The following SEC24B variants were observed in gnomAD, a reference collection of about 807,000 sequenced individuals.
The protein encoded by SEC24B is SEC24 homolog B, COPII component, also known as protein transport protein Sec24B.
Under a neutral mutation model 142.8 loss-of-function variants are expected in SEC24B, and 45 were observed. That is an observed-to-expected ratio of 0.32 (90% CI 0.25 to 0.40). The LOEUF (loss-of-function observed/expected upper bound fraction) is 0.40, where lower values mean the gene tolerates loss of function less well. SEC24B is among the 10% of genes least tolerant of loss of function. The pLI is 1.00. For synonymous variants in SEC24B, 574 were observed against 568.2 expected, an observed-to-expected ratio of 1.01 and a Z score of -0.15; for missense variants, 1,409 against 1,526.8, an observed-to-expected ratio of 0.92 and a Z score of 1.29.
intron 11 of SEC24B, among the ~76,000 whole-genome samples, chr4:109,520,066 T>C (rs1723436578): frequency 6.6e-6 from 1 of 152,240 alleles, no homozygotes; most frequent in East Asian, 1.9e-4. Flanking sequence ...TGTAAAATTT[T>C]ACACATTAAA....
At position 109,512,044 on chromosome 4, in the gene SEC24B, C is replaced by A. The variant is rs760363355; in HGVS notation, c.1864C>A (p.Arg622Ser). Reference protein sequence around the residue: ...INPFVSFIDQRRWKCNLCYRV... With the variant: ...INPFVSFIDQSRWKCNLCYRV... Reference sequence around the variant, plus strand: ...CCCCTTTGTATCCTTCATTGATCAACGTAGATGGAAATGCAATTTGTGCTA... The same window carrying A: ...CCCCTTTGTATCCTTCATTGATCAAAGTAGATGGAAATGCAATTTGTGCTA... Residue 622 changes from arginine to serine, a missense_variant, in exon 9 of 24, where the codon CGT (arginine) becomes AGT (serine). By Grantham distance (110) the Arg-to-Ser change is moderately radical (BLOSUM62 -1). Transcript: ENST00000265175. 1 of 1,613,038 alleles carries A rather than the reference C, an allele frequency of 6.2e-7. No homozygotes were observed. The highest frequency in any genetic ancestry group is 1.7e-5 in the Admixed American group (1 of 59,986).
intron 2 of SEC24B, among the ~76,000 whole-genome samples, chr4:109,465,970 T>G (rs1731812138): frequency 6.6e-6 from 1 of 152,162 alleles, no homozygotes; most frequent in African/African-American, 2.4e-5. Context: ...GCATTTAGAT[T>G]GGTAAATTAC....
intron 1 of SEC24B, among the ~76,000 whole-genome samples, chr4:109,443,779 G>A (rs1277301648): frequency 1.3e-5 from 2 of 152,072 alleles, no homozygotes; most frequent in Non-Finnish European, 2.9e-5. Flanking sequence ...AAAGTAATAG[G>A]GAATCTTAAG....
In SEC24B at chr4:109,506,715, C is replaced by T. The variant is rs1024633504; in HGVS notation, c.1673+203C>T. Among the ~76,000 whole-genome samples the T allele has an allele frequency of 2.6e-5, 4 of 152,146 alleles. No individual in the cohort carries two copies. In the East Asian group the frequency reaches 5.8e-4, roughly 22 times the overall value. On this transcript the variant is annotated intron_variant, in intron 7 of 23. Coordinates refer to ENST00000265175, the MANE Select transcript of SEC24B (RefSeq NM_006323.5). The stretch of plus-strand genomic sequence containing the variant: ...CTGTCTCAATCCAGTCCCTTCCCCC[C>T]ATCACCTAATGTTAGGGAAATTATT...
chr4:109,528,020 A>G (rs1266882935), intron 18 of SEC24B, among the ~76,000 whole-genome samples: 1 of 152,194 alleles, frequency 6.6e-6, no homozygotes, highest in Non-Finnish European at 1.5e-5. Context: ...TAATGCAGCA[A>G]TAAAAAGGAA....
intron 1 of SEC24B, among the ~76,000 whole-genome samples, chr4:109,439,778 G>A (rs1728766156): frequency 6.6e-6 from 1 of 150,796 alleles, no homozygotes; most frequent in Admixed American, 6.6e-5. Context: ...TGGGATTACA[G>A]GCGTGAGCCA....
At position 109,490,419 on chromosome 4, in the gene SEC24B, A is replaced by G. The variant is rs572676815; in HGVS notation, c.1166-908A>G. ...CCTAAATGTAGTTTAAACACCAGTT[A>G]TAATACTGGTATTAATAGCAAGGGA... On this transcript the variant is annotated intron_variant, in intron 4 of 23. Transcript: ENST00000265175. Among the ~76,000 whole-genome samples, 208 of 152,246 alleles carry G rather than the reference A, an allele frequency of 1.4e-3. 1 individual carries two copies. Among genetic ancestry groups the G allele is most frequent in the African/African-American group, 4.8e-3 (201 of 41,586 alleles).
rs267599979 is a variant in SEC24B, at chr4:109,506,367, G to A, written c.1528G>A (p.Gly510Arg). ...GAACCAGCTATCCTCCAGTATAGGA[G>A]GATTGAGTCTTCAGAGTTCTCCACA... The part of the protein sequence containing the change: ...GVNQLSSSIG[G>R]LSLQSSPQPE... The change falls in exon 7 of 24, where the codon GGA becomes AGA. Residue 510 changes from glycine (G) to arginine (R), a missense_variant. By Grantham distance (125) the Gly-to-Arg change is moderately radical. Around this residue, in one of 2 missense-constraint regions of SEC24B, gnomAD observed 709 missense variants for 673.5 expected, o/e 1.05. Transcript: ENST00000265175. The A allele has an allele frequency of 3.1e-6, 5 of 1,606,860 alleles. No individual in the cohort carries two copies. The South Asian group carries it at 5.6e-5, about 18-fold the overall frequency.
chr4:109,454,784 A>C (rs972293083), intron 1 of SEC24B, among the ~76,000 whole-genome samples: 1 of 152,150 alleles, frequency 6.6e-6, no homozygotes, highest in African/African-American at 2.4e-5. Flanking sequence ...CCTCTGTCCT[A>C]TGTGTAAAAA....
At chr4:109,471,133 A>G (rs1732480377) in intron 2 of SEC24B, among the ~76,000 whole-genome samples, 1 of 152,136 alleles carries the variant, frequency 6.6e-6, no homozygotes, top group Non-Finnish European at 1.5e-5. Flanking sequence ...GTACACATAT[A>G]CCTGATATGA....
rs752389959 is a variant in SEC24B, at chr4:109,527,362, G to A, written c.3006G>A (p.Val1002=). The A allele has an allele frequency of 1.9e-6, 3 of 1,613,144 alleles. No individual in the cohort carries two copies. The highest frequency in any genetic ancestry group is 2.5e-6 in the Non-Finnish European group (3 of 1,179,592). The change falls in exon 18 of 24, where the codon GTG becomes GTA. Residue 1002 remains valine, a synonymous_variant. Transcript: ENST00000265175. ...RIRVHTLCLP[V]VSSLADVYAG... ...GAGTACATACACTTTGTTTGCCAGT[G>A]GTAAGTTCACTAGCAGATGTATATG...
intron 22 of SEC24B, among the ~76,000 whole-genome samples, chr4:109,534,520 G>GAGCTTGCAGTGAGCCGA (rs1725290582): frequency 6.6e-6 from 1 of 151,966 alleles, no homozygotes; most frequent in Non-Finnish European, 1.5e-5. Flanking sequence ...TCGGGAGGCG[G>GAGCTTGCAGTGAGCCGA]AGCTTGCAGT....
intron 6 of SEC24B, among the ~76,000 whole-genome samples, chr4:109,503,490 C>T (rs1736383962): frequency 6.6e-6 from 1 of 152,102 alleles, no homozygotes; most frequent in Admixed American, 6.6e-5. Flanking sequence ...TTCCAAAGTG[C>T]TGGGATTACA....
chr4:109,456,453 A>G (rs1730705582), intron 1 of SEC24B, among the ~76,000 whole-genome samples: 1 of 151,372 alleles, frequency 6.6e-6, no homozygotes. Context: ...GAGAGAGGAC[A>G]TCTTGCCTTC....
intron 1 of SEC24B, chr4:109,450,652 A>G (rs915228354): frequency 1.4e-5 from 2 of 144,306 alleles, no homozygotes; most frequent in Non-Finnish European, 3.0e-5. Flanking sequence ...AGTGAGACTC[A>G]TCTCAAAAAA....
chr4:109,477,206 A>G (rs1309295061), intron 3 of SEC24B, among the ~76,000 whole-genome samples: 1 of 151,042 alleles, frequency 6.6e-6, no homozygotes, highest in Non-Finnish European at 1.5e-5. Flanking sequence ...GGCCCATTGC[A>G]CACCTTTTGC....
At chr4:109,521,343 T>C in intron 13 of SEC24B, 77 bp from the exon 14 acceptor site, 1 of 1,268,372 alleles carries the variant, frequency 7.9e-7, no homozygotes, top group Non-Finnish European at 1.1e-6. Context: ...TGACACATGA[T>C]ACACTATGGA....
At chr4:109,453,623 T>C (rs1206654728) in intron 1 of SEC24B, among the ~76,000 whole-genome samples, 3 of 152,100 alleles carry the variant, frequency 2.0e-5, no homozygotes, top group Admixed American at 6.6e-5. Flanking sequence ...GTTATCCTGT[T>C]CTTAAGGTGC....
intron 18 of SEC24B, among the ~76,000 whole-genome samples, chr4:109,529,514 A>G (rs544098750): frequency 6.6e-6 from 1 of 152,316 alleles, no homozygotes; most frequent in Admixed American, 6.5e-5. Context: ...TAATGGCTGC[A>G]TGAAAACTTG....
Sources: allele counts gnomAD v4.1 joint callset (sites outside exome capture counted in the v4.1 genomes callset), GRCh38; gene constraint gnomAD v4.1.1; regional missense constraint gnomAD v4.1.1; transcripts MANE v1.5; gene names NCBI Gene and HGNC (gene_info 2026-07-23, HGNC 2026-07-21).